Variants in CCDC148 observed in about 807,000 individuals in gnomAD.
The protein encoded by CCDC148 is coiled-coil domain containing 148.
CCDC148 carries 89 observed loss-of-function variants against 85.7 expected under a neutral mutation model. The observed-to-expected ratio is 1.04, with a 90% confidence interval of 0.87 to 1.24. The LOEUF is 1.24. Among genes scored for constraint, CCDC148 ranks in the 50% most tolerant of loss-of-function variants. CCDC148 has a pLI of 0.00. For synonymous variants in CCDC148, 230 were observed against 213.9 expected (o/e 1.08, Z -0.66); for missense variants, 692 against 671.7 (o/e 1.03, Z -0.33).
intron 1 of CCDC148, among the ~76,000 whole-genome samples, chr2:158,440,130 A>G (rs1687867453): frequency 6.6e-6 from 1 of 152,084 alleles, no homozygotes; most frequent in Admixed American, 6.6e-5. Flanking sequence ...CAGCCTCCAA[A>G]GGTGCTGAGA....
At chr2:158,185,537 C>T (rs1465063742) in intron 11 of CCDC148, among the ~76,000 whole-genome samples, 2 of 152,084 alleles carry the variant, frequency 1.3e-5, no homozygotes, top group Non-Finnish European at 2.9e-5. Flanking sequence ...TGATTTTAAT[C>T]AGTTCTAAGC....
chr2:158,229,251 C>A (rs1687730048), intron 10 of CCDC148, among the ~76,000 whole-genome samples: 1 of 152,190 alleles, frequency 6.6e-6, no homozygotes, highest in South Asian at 2.1e-4. Flanking sequence ...GCCCTACCCA[C>A]TTCCAATCAT....
At chr2:158,403,108 T>G (rs1475365041) in intron 1 of CCDC148, among the ~76,000 whole-genome samples, 1 of 152,114 alleles carries the variant, frequency 6.6e-6, no homozygotes, top group East Asian at 1.9e-4. Flanking sequence ...AAGTCCCTTG[T>G]TAGGCTGCCA....
At chr2:158,434,343 A>T (rs1052668108) in intron 1 of CCDC148, among the ~76,000 whole-genome samples, 1 of 152,200 alleles carries the variant, frequency 6.6e-6, no homozygotes, top group Non-Finnish European at 1.5e-5. Context: ...TCCACTGGTG[A>T]TACCCAAGCA....
chr2:158,370,394 G>T (rs1684389539), intron 1 of CCDC148, among the ~76,000 whole-genome samples: 1 of 152,056 alleles, frequency 6.6e-6, no homozygotes, highest in South Asian at 2.1e-4. Context: ...AGTTGGCCAT[G>T]ATATTGATTA....
intron 10 of CCDC148, among the ~76,000 whole-genome samples, chr2:158,235,188 T>C (rs1360447148): frequency 1.3e-5 from 2 of 152,226 alleles, no homozygotes; most frequent in African/African-American, 4.8e-5. Flanking sequence ...TATGTGTAAG[T>C]ATATTATGGC....
intron 11 of CCDC148, among the ~76,000 whole-genome samples, chr2:158,181,886 C>T (rs890696188): frequency 3.4e-5 from 5 of 148,906 alleles, no homozygotes; most frequent in Non-Finnish European, 7.4e-5. Context: ...TGTTGGGAGG[C>T]AAGACTAGAG....
At chr2:158,406,777 C>CATGCCCAGCT (rs1179647039) in intron 1 of CCDC148, among the ~76,000 whole-genome samples, 1 of 151,738 alleles carries the variant, frequency 6.6e-6, no homozygotes, top group Non-Finnish European at 1.5e-5. Flanking sequence ...CATGCACTGC[C>CATGCCCAGCT]ATGCCCAGCT....
chr2:158,227,942 A>C (rs1338142251), intron 10 of CCDC148, among the ~76,000 whole-genome samples: 3 of 152,092 alleles, frequency 2.0e-5, no homozygotes, highest in East Asian at 1.9e-4. Flanking sequence ...GCAACAAAAG[A>C]CAAAATTGAC....
At chr2:158,357,069 G>A (rs898020138) in intron 2 of CCDC148, among the ~76,000 whole-genome samples, 112 of 145,182 alleles carry the variant, frequency 7.7e-4, no homozygotes, top group Admixed American at 1.0e-3. Flanking sequence ...TATCACACTC[G>A]GGACTGTTAT....
intron 1 of CCDC148, among the ~76,000 whole-genome samples, chr2:158,435,678 T>G (rs923038673): frequency 6.6e-6 from 1 of 152,128 alleles, no homozygotes; most frequent in South Asian, 2.1e-4. Flanking sequence ...AGACACAGAC[T>G]GGCAAATTGG....
chr2:158,410,175 T>A (rs1311654134), intron 1 of CCDC148, among the ~76,000 whole-genome samples: 1 of 152,238 alleles, frequency 6.6e-6, no homozygotes, highest in African/African-American at 2.4e-5. Context: ...TAGCCACCCC[T>A]GCTCTTCTTC....
At chr2:158,255,107 G>C (rs1018200735) in intron 9 of CCDC148, among the ~76,000 whole-genome samples, 1 of 149,382 alleles carries the variant, frequency 6.7e-6, no homozygotes, top group Non-Finnish European at 1.5e-5. Context: ...CTTAATACAA[G>C]AAAAAAAGAA....
At chr2:158,255,236 C>T (rs1443852055) in intron 9 of CCDC148, among the ~76,000 whole-genome samples, 1 of 151,248 alleles carries the variant, frequency 6.6e-6, no homozygotes, top group Non-Finnish European at 1.5e-5. Context: ...GTCAGGGACC[C>T]GTAGAATTTT....
chr2:158,288,419 C>T (rs1690733322), intron 9 of CCDC148, among the ~76,000 whole-genome samples: 1 of 152,138 alleles, frequency 6.6e-6, no homozygotes, highest in African/African-American at 2.4e-5. Flanking sequence ...TTAACAGAAC[C>T]CAGGTCACCT....
intron 1 of CCDC148, among the ~76,000 whole-genome samples, chr2:158,374,869 A>G (rs959003900): frequency 3.3e-5 from 5 of 151,616 alleles, no homozygotes; most frequent in Admixed American, 6.6e-5. Flanking sequence ...TAGTTTTGCA[A>G]ATAACCTAGG....
intron 9 of CCDC148, among the ~76,000 whole-genome samples, chr2:158,286,912 T>G (rs1480060878): frequency 6.6e-6 from 1 of 152,134 alleles, no homozygotes; most frequent in African/African-American, 2.4e-5. Flanking sequence ...CATGACTGTA[T>G]TAGTCCGTTT....
chr2:158,333,105 GTGATATT>G (rs1693230883), intron 7 of CCDC148, among the ~76,000 whole-genome samples: 1 of 151,940 alleles, frequency 6.6e-6, no homozygotes, highest in Admixed American at 6.6e-5. Context: ...TGCTTCTCTA[GTGATATT>G]TGGGTATCAA....
At chr2:158,333,057 T>C (rs1220752431) in intron 7 of CCDC148, among the ~76,000 whole-genome samples, 1 of 152,180 alleles carries the variant, frequency 6.6e-6, no homozygotes, top group Admixed American at 6.5e-5. Flanking sequence ...ATCTTAGTTA[T>C]TTCTTGTCTT....
Sources: gnomAD v4.1 joint callset for allele counts (sites outside exome capture counted in the v4.1 genomes callset) on GRCh38, gnomAD v4.1.1 for gene constraint, MANE v1.5 for transcripts, NCBI Gene and HGNC (gene_info 2026-07-23, HGNC 2026-07-21) for gene names.